Variants in OPCML observed in about 807,000 individuals in gnomAD.
OPCML encodes opioid binding protein/cell adhesion molecule like.
Under a neutral mutation model 37.8 loss-of-function variants are expected in OPCML, and 13 were observed. The observed-to-expected ratio is 0.34, with a 90% confidence interval of 0.22 to 0.55. OPCML has a LOEUF of 0.55. Among genes scored for constraint, OPCML ranks in the 20% least tolerant of loss-of-function variants. The pLI, the probability that OPCML is intolerant of heterozygous loss-of-function variation, is 0.91. For synonymous variants in OPCML, 176 were observed against 168.8 expected (o/e 1.04, Z -0.33); for missense variants, 341 against 435.6 (o/e 0.78, Z 1.93).
intron 2 of OPCML, among the ~76,000 whole-genome samples, chr11:132,808,535 C>T (rs1335511873): frequency 1.3e-5 from 2 of 152,184 alleles, no homozygotes; most frequent in Non-Finnish European, 2.9e-5. Context: ...GAAGGGTTAA[C>T]ACATTTTTTT....
At chr11:132,623,582 T>C (rs2137933974) in intron 3 of OPCML, among the ~76,000 whole-genome samples, 1 of 152,296 alleles carries the variant, frequency 6.6e-6, no homozygotes, top group South Asian at 2.1e-4. Flanking sequence ...TTTCATTTTA[T>C]TATATACACT....
intron 4 of OPCML, among the ~76,000 whole-genome samples, chr11:132,479,531 A>C (rs576888151): frequency 1.4e-4 from 22 of 152,350 alleles, no homozygotes; most frequent in African/African-American, 5.3e-4. Flanking sequence ...CCACAGCTCA[A>C]GGAGGCCTGC....
chr11:133,186,844 G>A (rs1209881979), intron 1 of OPCML, among the ~76,000 whole-genome samples: 1 of 152,168 alleles, frequency 6.6e-6, no homozygotes, highest in African/African-American at 2.4e-5. Context: ...TTCCAGCAGA[G>A]GAGGGTGAGG....
chr11:133,467,739 C>T (rs1177296165), intron 1 of OPCML, among the ~76,000 whole-genome samples: 1 of 152,118 alleles, frequency 6.6e-6, no homozygotes, highest in Non-Finnish European at 1.5e-5. Flanking sequence ...TATCTGACTC[C>T]CCGGCCTTCT....
At chr11:132,942,310 G>A (rs1945605069) in intron 2 of OPCML, among the ~76,000 whole-genome samples, 1 of 152,196 alleles carries the variant, frequency 6.6e-6, no homozygotes, top group Admixed American at 6.5e-5. Context: ...CAGAAGTGAT[G>A]TTGTTGCATA....
At chr11:132,479,218 C>G (rs779065569) in intron 4 of OPCML, among the ~76,000 whole-genome samples, 2 of 152,192 alleles carry the variant, frequency 1.3e-5, no homozygotes, top group African/African-American at 4.8e-5. Context: ...TCAGGAAGTG[C>G]AAGGGGTCAG....
At chr11:133,226,903 A>G (rs1940063658) in intron 1 of OPCML, among the ~76,000 whole-genome samples, 1 of 152,244 alleles carries the variant, frequency 6.6e-6, no homozygotes, top group South Asian at 2.1e-4. Flanking sequence ...ACCCACTCAT[A>G]GACACATATA....
intron 2 of OPCML, among the ~76,000 whole-genome samples, chr11:132,911,251 C>T (rs1384400553): frequency 6.6e-6 from 1 of 152,222 alleles, no homozygotes; most frequent in African/African-American, 2.4e-5. Context: ...GATATCTCAA[C>T]AGCTGGAAAC....
At chr11:132,708,061 G>A (rs1001388200) in intron 2 of OPCML, among the ~76,000 whole-genome samples, 3 of 152,134 alleles carry the variant, frequency 2.0e-5, no homozygotes, top group Non-Finnish European at 4.4e-5. Flanking sequence ...CAACTGTTGA[G>A]TTGTGTCATG....
intron 3 of OPCML, among the ~76,000 whole-genome samples, chr11:132,544,384 T>A (rs117402698): frequency 0.016 from 2,364 of 152,236 alleles, 36 homozygotes; most frequent in Non-Finnish European, 0.023. Flanking sequence ...ATACACAAAA[T>A]TATCTTTAAA....
chr11:132,678,471 C>A (rs1007424915), intron 2 of OPCML, among the ~76,000 whole-genome samples: 2 of 152,180 alleles, frequency 1.3e-5, no homozygotes, highest in South Asian at 4.1e-4. Context: ...TTATTCATAA[C>A]TACCTAAATT....
intron 1 of OPCML, among the ~76,000 whole-genome samples, chr11:133,345,852 C>T (rs373174294): frequency 6.6e-6 from 1 of 152,268 alleles, no homozygotes; most frequent in African/African-American, 2.4e-5. Flanking sequence ...CTGTCTGATA[C>T]ACTTCAATTC....
At chr11:132,435,526 A>G (rs1051200409) in intron 7 of OPCML, among the ~76,000 whole-genome samples, 4 of 152,176 alleles carry the variant, frequency 2.6e-5, no homozygotes, top group African/African-American at 7.2e-5. Context: ...GCTTTAAAGG[A>G]GGTCAGTCCT....
chr11:133,304,844 T>C (rs909586685), intron 1 of OPCML, among the ~76,000 whole-genome samples: 2 of 152,328 alleles, frequency 1.3e-5, no homozygotes, highest in South Asian at 2.1e-4. Flanking sequence ...TTTTTCCTTA[T>C]GAAAATGAAT....
chr11:133,484,071 TAGATAG>T (rs1565660046), intron 1 of OPCML, among the ~76,000 whole-genome samples: 6 of 147,954 alleles, frequency 4.1e-5, no homozygotes, highest in Non-Finnish European at 8.9e-5. Flanking sequence ...GATAGATAGA[TAGATAG>T]ATAGATTCAT....
intron 3 of OPCML, among the ~76,000 whole-genome samples, chr11:132,555,334 G>A (rs139908140): frequency 0.01 from 1,576 of 152,234 alleles, 9 homozygotes; most frequent in Non-Finnish European, 0.013. Flanking sequence ...ACGGCAGCAG[G>A]TGAGAGAGAA....
intron 2 of OPCML, among the ~76,000 whole-genome samples, chr11:132,785,191 G>C (rs1311755927): frequency 6.6e-6 from 1 of 152,146 alleles, no homozygotes; most frequent in Non-Finnish European, 1.5e-5. Flanking sequence ...CCTATGGTGA[G>C]CATCAAAACA....
chr11:132,650,420 C>T (rs917692927), intron 3 of OPCML, among the ~76,000 whole-genome samples: 1 of 152,126 alleles, frequency 6.6e-6, no homozygotes, highest in Non-Finnish European at 1.5e-5. Flanking sequence ...CTAGAAAGGA[C>T]TTTCATATCA....
chr11:133,297,849 T>A (rs1387647868), intron 1 of OPCML: 1 of 152,206 alleles, frequency 6.6e-6, no homozygotes, highest in African/African-American at 2.4e-5. Context: ...GCAAAAAAAG[T>A]TGAATTCGTA....
Sources: allele counts gnomAD v4.1 joint callset (sites outside exome capture counted in the v4.1 genomes callset), GRCh38; gene constraint gnomAD v4.1.1; transcripts MANE v1.5; gene names NCBI Gene and HGNC (gene_info 2026-07-23, HGNC 2026-07-21).